The following PLCL1 variants were observed in gnomAD, a reference collection of about 807,000 sequenced individuals.
PLCL1 encodes inactive phospholipase C-like protein 1.
In PLCL1, 41 loss-of-function variants were observed where a neutral mutation model predicts 84.4. The ratio of observed to expected loss-of-function variants is 0.49; its 90% CI spans 0.38 to 0.63. The LOEUF is 0.63. Among genes scored for constraint, PLCL1 ranks in the 30% least tolerant of loss-of-function variants. The probability of loss-of-function intolerance (pLI) is 0.00; values close to 1 mark genes in which losing one functional copy is unlikely to be tolerated. For synonymous variants in PLCL1, 490 were observed against 488.3 expected (o/e 1.00, Z -0.05); for missense variants, 1,206 against 1,367.8 (o/e 0.88, Z 1.87).
chr2:197,866,715 C>T (rs1461353368), intron 1 of PLCL1, among the ~76,000 whole-genome samples: 1 of 152,116 alleles, frequency 6.6e-6, no homozygotes, highest in African/African-American at 2.4e-5. Flanking sequence ...AAAGCTTCCC[C>T]AGGGAATTCA....
At chr2:198,000,914 C>T (rs1357118972) in intron 1 of PLCL1, among the ~76,000 whole-genome samples, 1 of 152,092 alleles carries the variant, frequency 6.6e-6, no homozygotes, top group African/African-American at 2.4e-5. Context: ...TGTATGTATC[C>T]TGTTAACGAG....
intron 1 of PLCL1, among the ~76,000 whole-genome samples, chr2:197,893,634 G>T (rs1688074014): frequency 6.6e-6 from 1 of 152,192 alleles, no homozygotes; most frequent in African/African-American, 2.4e-5. Flanking sequence ...GCAAGTCACA[G>T]TGAATGCCTG....
intron 3 of PLCL1, among the ~76,000 whole-genome samples, chr2:198,091,058 A>G (rs1213446104): frequency 6.6e-6 from 1 of 152,244 alleles, no homozygotes; most frequent in African/African-American, 2.4e-5. Flanking sequence ...AAGCAGAAAT[A>G]CTTATAATGA....
At chr2:198,103,776 C>T (rs761023163) in intron 4 of PLCL1, 51 bp from the exon 5 acceptor site, 1 of 802,754 alleles carries the variant, frequency 1.2e-6, no homozygotes, top group East Asian at 2.8e-5. Context: ...TATAAGATGC[C>T]CATTTTTCTG....
At chr2:197,902,291 T>C (rs914247285) in intron 1 of PLCL1, among the ~76,000 whole-genome samples, 4 of 152,146 alleles carry the variant, frequency 2.6e-5, no homozygotes, top group African/African-American at 9.7e-5. Flanking sequence ...TTCCAACCAA[T>C]GTCTTAGTTT....
At chr2:198,075,807 CA>C (rs1314435320) in intron 1 of PLCL1, among the ~76,000 whole-genome samples, 2 of 152,200 alleles carry the variant, frequency 1.3e-5, no homozygotes. Context: ...TAATTAGCTA[CA>C]AACATTCATA....
At chr2:198,105,005 G>A (rs1261346355) in intron 5 of PLCL1, among the ~76,000 whole-genome samples, 1 of 151,922 alleles carries the variant, frequency 6.6e-6, no homozygotes, top group Non-Finnish European at 1.5e-5. Context: ...TTCTTTTGCT[G>A]TGCAGAAGTT....
chr2:198,147,037 T>A lies in PLCL1; in HGVS notation c.*75T>A. On this transcript the variant is annotated 3_prime_UTR_variant, in exon 6 of 6. Coordinates refer to ENST00000428675, the MANE Select transcript of PLCL1 (RefSeq NM_006226.4). ...CTCATTCTTGTTTTCTTTCTTTAAA[T>A]GTTTTATAAGTTCACAAAATGGTGC... The A allele has an allele frequency of 7.6e-7, 1 of 1,308,500 alleles. No individual in the cohort carries two copies. The highest frequency in any genetic ancestry group is 1.0e-6 in the Non-Finnish European group (1 of 966,468). The allele number at this position is 1,308,500 out of a possible 1,614,324, so 81.1% of individuals were successfully genotyped here. A position where few individuals can be genotyped will look rare whatever the true frequency, so the allele number is the denominator to read the frequency against.
At chr2:197,905,995 A>T (rs1250573202) in intron 1 of PLCL1, among the ~76,000 whole-genome samples, 1 of 151,852 alleles carries the variant, frequency 6.6e-6, no homozygotes, top group Non-Finnish European at 1.5e-5. Context: ...GATTGCAAAA[A>T]TTTTCTCCCA....
chr2:197,999,347 C>T (rs1399367853), intron 1 of PLCL1, among the ~76,000 whole-genome samples: 2 of 151,980 alleles, frequency 1.3e-5, no homozygotes, highest in South Asian at 2.1e-4. Context: ...TAAAAAGGAC[C>T]CTATAAATGT....
At chr2:198,003,793 A>T (rs113475870) in intron 1 of PLCL1, among the ~76,000 whole-genome samples, 4 of 152,216 alleles carry the variant, frequency 2.6e-5, no homozygotes, top group African/African-American at 7.2e-5. Flanking sequence ...AAATATTTTC[A>T]TAAAACTTCT....
intron 1 of PLCL1, among the ~76,000 whole-genome samples, chr2:197,958,299 T>C (rs1559056232): frequency 6.6e-6 from 1 of 151,770 alleles, no homozygotes; most frequent in East Asian, 1.9e-4. Flanking sequence ...TGGTCCACAT[T>C]AGAAGAAGAA....
At chr2:198,016,737 A>C (rs1279949309) in intron 1 of PLCL1, among the ~76,000 whole-genome samples, 3 of 152,156 alleles carry the variant, frequency 2.0e-5, no homozygotes, top group Non-Finnish European at 4.4e-5. Context: ...AACGAACTTG[A>C]GGTTACAAAG....
At chr2:198,112,298 G>A (rs927495649) in intron 5 of PLCL1, among the ~76,000 whole-genome samples, 3 of 151,804 alleles carry the variant, frequency 2.0e-5, no homozygotes, top group African/African-American at 4.8e-5. Flanking sequence ...TGGGAATCAC[G>A]GAAGCAAAGC....
At chr2:197,909,064 G>A (rs1169926523) in intron 1 of PLCL1, among the ~76,000 whole-genome samples, 3 of 152,136 alleles carry the variant, frequency 2.0e-5, no homozygotes, top group Non-Finnish European at 2.9e-5. Context: ...GGATAAATGC[G>A]GCATTCAGTT....
intron 1 of PLCL1, among the ~76,000 whole-genome samples, chr2:198,067,144 T>A (rs56270554): frequency 0.019 from 2,798 of 150,442 alleles, 79 homozygotes; most frequent in African/African-American, 0.066. Context: ...TTTTTTTTTT[T>A]AGAGACGGAG....
Position 197,867,410 on chromosome 2 carries a change from G to A in PLCL1, c.240+62071G>A, listed in dbSNP as rs370374989. Among the ~76,000 whole-genome samples the A allele has an allele frequency of 4.8e-3, 720 of 151,354 alleles. 4 individuals carry two copies. Among genetic ancestry groups the A allele is most frequent in the Non-Finnish European group, 7.7e-3 (523 of 67,862 alleles). On this transcript the variant is annotated intron_variant, in intron 1 of 5. Coordinates refer to ENST00000428675, the MANE Select transcript of PLCL1 (RefSeq NM_006226.4). Reference sequence around the variant, plus strand: ...TTTTTTTTTTTTGTACTATAAGTCCGCTGGTCTTTGTTGCTATTACATTAT... The same window carrying A: ...TTTTTTTTTTTTGTACTATAAGTCCACTGGTCTTTGTTGCTATTACATTAT...
chr2:197,936,554 G>A (rs1574957840), intron 1 of PLCL1, among the ~76,000 whole-genome samples: 2 of 152,206 alleles, frequency 1.3e-5, no homozygotes, highest in South Asian at 4.2e-4. Flanking sequence ...TGTCTTTTGA[G>A]AAATGTCTGT....
chr2:198,007,928 C>A (rs1408532915), intron 1 of PLCL1, among the ~76,000 whole-genome samples: 1 of 152,056 alleles, frequency 6.6e-6, no homozygotes, highest in Non-Finnish European at 1.5e-5. Flanking sequence ...CTAATACATT[C>A]ATTGAAAGCG....
Sources: gnomAD v4.1 joint callset for allele counts (sites outside exome capture counted in the v4.1 genomes callset) on GRCh38, gnomAD v4.1.1 for gene constraint, MANE v1.5 for transcripts, NCBI Gene and HGNC (gene_info 2026-07-23, HGNC 2026-07-21) for gene names.